CFAP47: variants seen among roughly 807,000 people sequenced by gnomAD.
CFAP47 encodes cilia- and flagella-associated protein 47.
A neutral mutation model predicts 148.1 loss-of-function variants in CFAP47; 29 were observed. That is an observed-to-expected ratio of 0.20 (90% CI 0.15 to 0.27). The LOEUF is 0.27. Among genes scored for constraint, CFAP47 ranks in the 10% least tolerant of loss-of-function variants. The probability of loss-of-function intolerance (pLI) is 1.00; values close to 1 mark genes in which losing one functional copy is unlikely to be tolerated. For missense variants in CFAP47, 1,872 were observed against 1,697.5 expected (o/e 1.10, Z -1.81); for synonymous variants, 664 against 577.3 (o/e 1.15, Z -2.15).
intron 44 of CFAP47, among the ~76,000 whole-genome samples, chrX:36,202,890 A>G (rs1206106308): frequency 9.1e-6 from 1 of 110,420 alleles, no homozygotes; most frequent in Admixed American, 9.7e-5. Context: ...AAAAAAAAAA[A>G]AGAGAAAGAA....
chrX:36,189,858 G>A (rs1555986233), intron 41 of CFAP47, among the ~76,000 whole-genome samples, 193 bp from the exon 42 acceptor site: 1 of 112,301 alleles, frequency 8.9e-6, no homozygotes, highest in Non-Finnish European at 1.9e-5. Context: ...AATCTTTATA[G>A]AGGGTCATAA....
chrX:36,172,838 C>G (rs1396930716), intron 39 of CFAP47, among the ~76,000 whole-genome samples: 1 of 111,839 alleles, frequency 8.9e-6, no homozygotes, highest in Non-Finnish European at 1.9e-5. Context: ...AGGATTCCCT[C>G]TTTTTCTGTT....
intron 41 of CFAP47, 51 bp downstream of exon 41, chrX:36,188,741 T>C (rs1939834307): frequency 6.8e-6 from 2 of 293,567 alleles, no homozygotes; most frequent in African/African-American, 2.8e-5. Context: ...GATTTTTATA[T>C]GCAAAGCATA....
At chrX:36,000,168 A>G (rs1015383563) in intron 19 of CFAP47, 115 bp from the exon 20 acceptor site, 7 of 254,074 alleles carry the variant, frequency 2.8e-5, no homozygotes, top group African/African-American at 1.7e-4. Flanking sequence ...ACAAATTTTT[A>G]TAGGGTTCTG....
At chrX:36,061,039 A>G (rs1937589742) in intron 26 of CFAP47, among the ~76,000 whole-genome samples, 1 of 111,446 alleles carries the variant, frequency 9.0e-6, no homozygotes, top group Non-Finnish European at 1.9e-5. Flanking sequence ...CCAATATTGG[A>G]GGAGGGGCCC....
chrX:36,187,591 A>G (rs1939820406), intron 40 of CFAP47, among the ~76,000 whole-genome samples: 1 of 112,099 alleles, frequency 8.9e-6, no homozygotes, highest in African/African-American at 3.2e-5. Flanking sequence ...ATATCCATTT[A>G]TTGTGTCTAT....
chrX:36,284,086 A>G (rs890033163), intron 50 of CFAP47, among the ~76,000 whole-genome samples: 10 of 112,287 alleles, frequency 8.9e-5, no homozygotes, highest in African/African-American at 2.6e-4. Flanking sequence ...TTTTGGGAGA[A>G]GTCACATTTA....
chrX:35,973,967 A>C (rs1936532108), intron 13 of CFAP47, among the ~76,000 whole-genome samples: 1 of 112,227 alleles, frequency 8.9e-6, no homozygotes, highest in African/African-American at 3.2e-5. Context: ...TATACTAGAC[A>C]CAGTTCTGGG....
chrX:36,278,238 G>A (rs782162846), intron 49 of CFAP47, among the ~76,000 whole-genome samples: 2 of 111,807 alleles, frequency 1.8e-5, no homozygotes, highest in African/African-American at 3.3e-5. Context: ...GCTGCGGTGG[G>A]CTCCACTCAG....
At chrX:36,143,525 A>C (rs972068176) in intron 35 of CFAP47, among the ~76,000 whole-genome samples, 3 of 111,685 alleles carry the variant, frequency 2.7e-5, no homozygotes, top group Non-Finnish European at 5.6e-5. Context: ...CATTTTGTGG[A>C]AGTACAGAGA....
At chrX:36,375,215 A>G (rs1602136394) in intron 62 of CFAP47, 3 of 252,138 alleles carry the variant, frequency 1.2e-5, no homozygotes, top group Admixed American at 4.8e-5. Flanking sequence ...CGGAAAGAGA[A>G]TGGGAGGGGA....
At chrX:36,265,094 G>A (rs1940874858) in intron 49 of CFAP47, among the ~76,000 whole-genome samples, 1 of 111,532 alleles carries the variant, frequency 9.0e-6, no homozygotes, top group South Asian at 3.7e-4. Flanking sequence ...GCTGTGTTTT[G>A]TAATTCTCAT....
intron 42 of CFAP47, among the ~76,000 whole-genome samples, chrX:36,192,970 T>C (rs1031752112): frequency 1.8e-5 from 2 of 111,980 alleles, no homozygotes; most frequent in Non-Finnish European, 3.8e-5. Context: ...GGCTTTCTTG[T>C]TGATTTATGG....
chrX:35,975,337 C>T lies in CFAP47; in HGVS notation c.2445C>T (p.Asp815=), dbSNP rs6632450. The T allele has an allele frequency of 0.092, 109,587 of 1,189,464 alleles. 5,531 individuals carry two copies. The highest frequency in any genetic ancestry group is 0.26 in the African/African-American group (14,559 of 56,280). ...TSSTYISMVF[D]SPTIGKFWKS... ...GTACTTATATTTCAATGGTATTTGA[C>T]TCTCCCACCATTGGAAAATTTTGGA... Residue 815 remains aspartate, a synonymous_variant, in exon 14 of 64, where the codon GAC becomes GAT. Transcript: ENST00000378653.
In CFAP47 at chrX:35,928,670, T is replaced by C. The variant is rs150253029; in HGVS notation, c.401+2502T>C. 4.1e-3 allele frequency among the ~76,000 whole-genome samples: 454 copies of C among 111,223 alleles called. 1 individual carries two copies. Among genetic ancestry groups the C allele is most frequent in the African/African-American group, 0.013 (401 of 30,690 alleles). ...GGTTTTTTTTTTAAACGTTCAATGA[T>C]GTCCAATTTATCAATTTTCCTTTAA... On this transcript the variant is annotated intron_variant, in intron 2 of 63. Transcript: ENST00000378653.
chrX:36,296,019 T>C lies in CFAP47; in HGVS notation c.7687-2958T>C, dbSNP rs781836434. On this transcript the variant is annotated intron_variant, in intron 51 of 63. Coordinates refer to ENST00000378653, the MANE Select transcript of CFAP47 (RefSeq NM_001304548.2). ...AGAGATTTTCAAGAGATTGCAGTAC[T>C]GGTAGCGCTAAGCATTCAACAATTG... Among the ~76,000 whole-genome samples the C allele has an allele frequency of 3.6e-5, 4 of 112,094 alleles. No individual in the cohort carries two copies. In the South Asian group the frequency reaches 1.5e-3, roughly 41 times the overall value.
intron 48 of CFAP47, among the ~76,000 whole-genome samples, chrX:36,243,704 C>T (rs1405802643): frequency 1.2e-5 from 1 of 85,693 alleles, no homozygotes; most frequent in Admixed American, 1.5e-4. Flanking sequence ...ATTCGAGCAT[C>T]CAGATTCATG....
chrX:35,976,532 C>T (rs147772012), intron 15 of CFAP47, among the ~76,000 whole-genome samples: 1,842 of 111,419 alleles, frequency 0.017, 45 homozygotes, highest in African/African-American at 0.057. Context: ...GTGTTAATTA[C>T]GTCTAAAAAA....
At chrX:36,176,487 A>G (rs1221698283) in intron 39 of CFAP47, among the ~76,000 whole-genome samples, 1 of 112,825 alleles carries the variant, frequency 8.9e-6, no homozygotes, top group Non-Finnish European at 1.9e-5. Flanking sequence ...TGCTAGAAAG[A>G]CAAAATTTGA....
Sources: gnomAD v4.1 joint callset for allele counts (sites outside exome capture counted in the v4.1 genomes callset) on GRCh38, gnomAD v4.1.1 for gene constraint, MANE v1.5 for transcripts, NCBI Gene and HGNC (gene_info 2026-07-23, HGNC 2026-07-21) for gene names.